The following MED14 variants were observed in gnomAD, a reference collection of about 807,000 sequenced individuals.
MED14 encodes mediator of RNA polymerase II transcription subunit 14.
MED14 carries 8 observed loss-of-function variants against 109.0 expected under a neutral mutation model. The ratio of observed to expected loss-of-function variants is 0.07; its 90% CI spans 0.04 to 0.13. The LOEUF (loss-of-function observed/expected upper bound fraction) is 0.13, where lower values mean the gene tolerates loss of function less well. Among genes scored for constraint, MED14 ranks in the 10% least tolerant of loss-of-function variants. The pLI, the probability that MED14 is intolerant of heterozygous loss-of-function variation, is 1.00. For synonymous variants in MED14, 399 were observed against 408.7 expected (o/e 0.98, Z 0.29); for missense variants, 711 against 1,142.4 (o/e 0.62, Z 5.44).
intron 11 of MED14, among the ~76,000 whole-genome samples, chrX:40,701,644 A>C (rs745401356): frequency 3.6e-5 from 4 of 111,807 alleles, no homozygotes; most frequent in Non-Finnish European, 7.5e-5. Context: ...AAAAAACTCC[A>C]CTGAAATATT....
At chrX:40,729,799 C>A (rs962291037) in intron 1 of MED14, among the ~76,000 whole-genome samples, 1 of 112,090 alleles carries the variant, frequency 8.9e-6, no homozygotes, top group Non-Finnish European at 1.9e-5. Context: ...GCTAAGCATA[C>A]AAAAGGACCA....
intron 23 of MED14, 143 bp from the exon 24 acceptor site, chrX:40,666,994 G>C (rs1339031069): frequency 2.1e-6 from 1 of 477,413 alleles, no homozygotes; most frequent in Admixed American, 4.8e-5. Flanking sequence ...AAACTGGCAC[G>C]ATTTCATTAT....
At chrX:40,724,459 C>G (rs1177348868) in intron 3 of MED14, among the ~76,000 whole-genome samples, 1 of 112,344 alleles carries the variant, frequency 8.9e-6, no homozygotes, top group Non-Finnish European at 1.9e-5. Flanking sequence ...TTAAAACATT[C>G]AGAAAAACTG....
intron 6 of MED14, among the ~76,000 whole-genome samples, chrX:40,712,546 G>T (rs1931373024): frequency 9.0e-6 from 1 of 111,014 alleles, no homozygotes; most frequent in African/African-American, 3.3e-5. Context: ...TATATATATA[G>T]AGAGACAGGA....
intron 23 of MED14, among the ~76,000 whole-genome samples, chrX:40,670,379 C>T (rs1203300331): frequency 8.9e-6 from 1 of 112,987 alleles, no homozygotes; most frequent in Non-Finnish European, 1.9e-5. Flanking sequence ...GTCACTACAT[C>T]TCCCACCTGC....
At position 40,664,400 on chromosome X, in the gene MED14, A is replaced by T; in HGVS notation, c.3355T>A (p.Ser1119Thr). Reference protein sequence around the residue: ...WPGSPQVSGPSPAARMPGMSP... With the variant: ...WPGSPQVSGPTPAARMPGMSP... ...ATTCCAGGCATGCGTGCTGCTGGTG[A>T]GGGGCCAGACACTTGAGGAGATCCT... Residue 1119 changes from serine to threonine, a missense_variant, in exon 25 of 31, where the codon TCA (serine) becomes ACA (threonine). Around this residue, in one of 8 missense-constraint regions of MED14, gnomAD observed 100 missense variants for 147.5 expected, o/e 0.68. Transcript: ENST00000324817. 1 of 1,205,050 alleles carries T rather than the reference A, an allele frequency of 8.3e-7. No individual in the cohort carries two copies. Among genetic ancestry groups the T allele is most frequent in the Non-Finnish European group, 1.1e-6 (1 of 892,556 alleles).
intron 3 of MED14, among the ~76,000 whole-genome samples, chrX:40,725,870 T>C (rs1164632513): frequency 9.0e-6 from 1 of 111,555 alleles, no homozygotes; most frequent in African/African-American, 3.3e-5. Context: ...GGCATCCAAA[T>C]TGGAAAGGAA....
intron 21 of MED14, among the ~76,000 whole-genome samples, chrX:40,677,390 CAG>C (rs1929944210): frequency 9.0e-6 from 1 of 110,878 alleles, no homozygotes; most frequent in South Asian, 3.8e-4. Flanking sequence ...TAAATAAGAG[CAG>C]AGAGTTAAGA....
intron 28 of MED14, among the ~76,000 whole-genome samples, chrX:40,656,622 G>A (rs2146609628): frequency 1.8e-5 from 2 of 112,478 alleles, no homozygotes; most frequent in African/African-American, 6.4e-5. Context: ...GGCACTGTTT[G>A]TAACAGCAAA....
At chrX:40,666,620 C>T in intron 24 of MED14, 100 bp downstream of exon 24, 1 of 917,590 alleles carries the variant, frequency 1.1e-6, no homozygotes, top group Non-Finnish European at 1.5e-6. Flanking sequence ...GCTACTTCCT[C>T]AATAAACAAG....
chrX:40,728,544 A>AAATC (rs1469190185), intron 2 of MED14, among the ~76,000 whole-genome samples: 1 of 111,425 alleles, frequency 9.0e-6, no homozygotes, highest in African/African-American at 3.3e-5. Context: ...TAAAAAAAAA[A>AAATC]AAATCAACCA....
chrX:40,649,535 G>T lies in MED14; in HGVS notation c.*2271C>A. The T allele has an allele frequency of 1.4e-6, 1 of 723,447 alleles. No individual in the cohort carries two copies. Among genetic ancestry groups the T allele is most frequent in the Non-Finnish European group, 1.8e-6 (1 of 556,141 alleles). 59.6% of individuals were successfully genotyped at this position (723,447 alleles called of 1,213,427 possible). On this transcript the variant is annotated 3_prime_UTR_variant, in exon 31 of 31. Coordinates refer to ENST00000324817, the MANE Select transcript of MED14 (RefSeq NM_004229.4). Reference sequence around the variant, plus strand: ...CATCTTCATCAAAATTAACTAGAGAGTTGGTAGTTCTCTGAAACTTTGTAT... The same window carrying T: ...CATCTTCATCAAAATTAACTAGAGATTTGGTAGTTCTCTGAAACTTTGTAT...
intron 2 of MED14, among the ~76,000 whole-genome samples, chrX:40,727,177 A>G (rs1047408115): frequency 1.5e-4 from 17 of 112,212 alleles, no homozygotes; most frequent in African/African-American, 5.5e-4. Flanking sequence ...ACTGCTTCAC[A>G]GAAGGGATTA....
At chrX:40,687,447 C>T (rs776791871) in intron 16 of MED14, among the ~76,000 whole-genome samples, 1 of 111,858 alleles carries the variant, frequency 8.9e-6, no homozygotes, top group Non-Finnish European at 1.9e-5. Context: ...TTCAAAAACA[C>T]CTATCTAATG....
intron 26 of MED14, among the ~76,000 whole-genome samples, chrX:40,662,126 A>G (rs767400479): frequency 2.0e-4 from 23 of 112,481 alleles, no homozygotes; most frequent in African/African-American, 5.5e-4. Context: ...TCAGCCTCTC[A>G]AAGTGCTGGG....
rs1425106111 is a variant in MED14, at chrX:40,697,149, T to C, written c.1525A>G (p.Ile509Val). The part of the protein sequence containing the change: ...WLGQQRCKQS[I>V]KHLPTISSET... The stretch of plus-strand genomic sequence containing the variant: ...CTGCTTATCGTAGGCAGATGTTTTA[T>C]AGACTGCTTGCAACGCTGTTGTCCA... The change falls in exon 13 of 31, where the codon ATA becomes GTA. Residue 509 changes from isoleucine to valine, a missense_variant. Physicochemically the swap from Ile to Val is conservative, Grantham distance 29 (BLOSUM62 3). Transcript: ENST00000324817. 7 of 1,196,997 alleles carry C rather than the reference T, an allele frequency of 5.8e-6. No individual in the cohort carries two copies. The highest frequency in any genetic ancestry group is 1.8e-5 in the African/African-American group (1 of 56,991).
In MED14 at chrX:40,735,305, G is replaced by A; in HGVS notation, c.108C>T (p.Ala36=). 2.7e-6 allele frequency: 3 copies of A among 1,127,338 alleles called. No homozygotes were observed. Among genetic ancestry groups the A allele is most frequent in the East Asian group, 3.7e-5 (1 of 26,952 alleles). The allele number at this position is 1,127,338 out of a possible 1,213,427, so 92.9% of individuals were successfully genotyped here. ...CCGCAGCTGCAGCGGCCGCCGCCACGGCGGCTCCCGGGGGAGGAGGGGCTG... is the reference window on the plus strand; with the variant it reads ...CCGCAGCTGCAGCGGCCGCCGCCACAGCGGCTCCCGGGGGAGGAGGGGCTG... ...SAPAPPPPGA[A]VAAAAAAAAS... The change falls in exon 1 of 31, where the codon GCC becomes GCT. Residue 36 remains alanine, a synonymous_variant. Coordinates refer to ENST00000324817, the MANE Select transcript of MED14 (RefSeq NM_004229.4).
At chrX:40,669,878 C>T (rs11796983) in intron 23 of MED14, among the ~76,000 whole-genome samples, 7 of 111,085 alleles carry the variant, frequency 6.3e-5, no homozygotes, top group Non-Finnish European at 1.1e-4. Context: ...AGGCAAACAA[C>T]GCATCCTCAA....
chrX:40,699,077 A>G (rs1218033004), intron 12 of MED14, among the ~76,000 whole-genome samples: 1 of 112,553 alleles, frequency 8.9e-6, no homozygotes, highest in Non-Finnish European at 1.9e-5. Flanking sequence ...AATATTATTC[A>G]GTCATAAAAA....
Sources: allele counts gnomAD v4.1 joint callset (sites outside exome capture counted in the v4.1 genomes callset), GRCh38; gene constraint gnomAD v4.1.1; regional missense constraint gnomAD v4.1.1; transcripts MANE v1.5; gene names NCBI Gene and HGNC (gene_info 2026-07-23, HGNC 2026-07-21).